The following XKR4 variants were observed in gnomAD, a reference collection of about 807,000 sequenced individuals.
The protein encoded by XKR4 is XK-related protein 4.
A neutral mutation model predicts 53.9 loss-of-function variants in XKR4; 12 were observed. The observed-to-expected ratio is 0.22, with a 90% CI of 0.14 to 0.36. XKR4 has a LOEUF of 0.36. XKR4 is among the 10% of genes least tolerant of loss of function. The pLI is 1.00. For missense variants in XKR4, 799 were observed against 859.5 expected, an observed-to-expected ratio of 0.93 and a Z score of 0.88; for synonymous variants, 354 against 362.4, an observed-to-expected ratio of 0.98 and a Z score of 0.26.
intron 2 of XKR4, among the ~76,000 whole-genome samples, chr8:55,459,119 C>T (rs1732617362): frequency 6.6e-6 from 1 of 152,120 alleles, no homozygotes; most frequent in Non-Finnish European, 1.5e-5. Flanking sequence ...CAGAAATAAA[C>T]TCTTACCTTT....
chr8:55,311,150 C>A (rs1220025815), intron 1 of XKR4, among the ~76,000 whole-genome samples: 1 of 152,210 alleles, frequency 6.6e-6, no homozygotes, highest in Non-Finnish European at 1.5e-5. Context: ...CCACAGGGAG[C>A]TCATGTGCCT....
chr8:55,537,480 A>C lies in XKR4; in HGVS notation c.*13253A>C, dbSNP rs1393413148. On this transcript the variant is annotated 3_prime_UTR_variant, in exon 3 of 3. Transcript: ENST00000327381. ...AAGCTATTCAGACCAGTTTTCTTTA[A>C]GAGCACTTATGTTGCAGAACATGAT... 6.6e-6 allele frequency: 1 copy of C among 152,254 alleles called. No homozygotes were observed. The highest frequency in any genetic ancestry group is 1.5e-5 in the Non-Finnish European group (1 of 68,052). The allele number at this position is 152,254 out of a possible 1,614,324, so 9.4% of individuals were successfully genotyped here. A position where few individuals can be genotyped will look rare whatever the true frequency, so the allele number is the denominator to read the frequency against.
Position 55,527,501 on chromosome 8 carries a change from A to G in XKR4, c.*3274A>G, listed in dbSNP as rs1806895188. On this transcript the variant is annotated 3_prime_UTR_variant, in exon 3 of 3. Coordinates refer to ENST00000327381, the MANE Select transcript of XKR4 (RefSeq NM_052898.2). ...ATGAAACCATGTTTAATGAATATAT[A>G]TAATGTGTGTGTGTGTATCTTAACC... The G allele has an allele frequency of 6.6e-6, 1 of 152,328 alleles. No homozygotes were observed. The highest frequency in any genetic ancestry group is 1.5e-5 in the Non-Finnish European group (1 of 68,014). 9.4% of individuals were successfully genotyped at this position (152,328 alleles called of 1,614,324 possible). A position where few individuals can be genotyped will look rare whatever the true frequency, so the allele number is the denominator to read the frequency against.
chr8:55,272,550 T>C (rs1775302162), intron 1 of XKR4, among the ~76,000 whole-genome samples: 1 of 152,198 alleles, frequency 6.6e-6, no homozygotes, highest in Admixed American at 6.6e-5. Context: ...CAGCACTTCA[T>C]ACCATATTTC....
intron 1 of XKR4, among the ~76,000 whole-genome samples, chr8:55,184,122 T>TA (rs943701313): frequency 1.2e-4 from 18 of 151,948 alleles, no homozygotes; most frequent in African/African-American, 3.6e-4. Flanking sequence ...AGCAATATAT[T>TA]AAAAAAAAAT....
intron 2 of XKR4, among the ~76,000 whole-genome samples, chr8:55,358,816 C>T (rs1803856998): frequency 6.6e-6 from 1 of 152,358 alleles, no homozygotes; most frequent in Non-Finnish European, 1.5e-5. Context: ...CTCCCTTGTG[C>T]TGGGTCATGC....
intron 1 of XKR4, among the ~76,000 whole-genome samples, chr8:55,134,733 T>TA (rs1175779045): frequency 6.6e-6 from 1 of 152,234 alleles, no homozygotes; most frequent in Non-Finnish European, 1.5e-5. Flanking sequence ...CCTGCCTTGG[T>TA]GGGCTCTTGC....
At chr8:55,109,249 C>A (rs895373289) in intron 1 of XKR4, among the ~76,000 whole-genome samples, 8 of 152,260 alleles carry the variant, frequency 5.3e-5, no homozygotes, top group Non-Finnish European at 1.5e-5. Context: ...GACTAACTCT[C>A]ATACAGAGGG....
rs1343916222 is a variant in XKR4, at chr8:55,539,126, A to T, written c.*14899A>T. The T allele has an allele frequency of 6.6e-6, 1 of 152,248 alleles. No homozygotes were observed. The highest frequency in any genetic ancestry group is 1.5e-5 in the Non-Finnish European group (1 of 68,032). 9.4% of individuals were successfully genotyped at this position (152,248 alleles called of 1,614,324 possible). A position where few individuals can be genotyped will look rare whatever the true frequency, so the allele number is the denominator to read the frequency against. ...TCTTGTACTTAAAAATTTAATCCTGATAAGAACTAATGTGAAATAACATCA... is the reference window on the plus strand; with the variant it reads ...TCTTGTACTTAAAAATTTAATCCTGTTAAGAACTAATGTGAAATAACATCA... On this transcript the variant is annotated 3_prime_UTR_variant, in exon 3 of 3. Coordinates refer to ENST00000327381, the MANE Select transcript of XKR4 (RefSeq NM_052898.2).
At chr8:55,351,785 A>G (rs1032415105) in intron 1 of XKR4, among the ~76,000 whole-genome samples, 1 of 152,162 alleles carries the variant, frequency 6.6e-6, no homozygotes, top group African/African-American at 2.4e-5. Flanking sequence ...CAATGCCCCT[A>G]CTTTTCTCCT....
At chr8:55,499,663 G>A (rs1806406776) in intron 2 of XKR4, among the ~76,000 whole-genome samples, 1 of 152,208 alleles carries the variant, frequency 6.6e-6, no homozygotes, top group South Asian at 2.1e-4. Flanking sequence ...CAAAGATGAT[G>A]AAAAGAATTC....
rs1217586515 is a variant in XKR4 at position 55,451,420 on chromosome 8, C to T, written c.1007-71861C>T. 3.7e-5 allele frequency: 42 copies of T among 1,129,744 alleles called. No individual in the cohort carries two copies. The East Asian group carries it at 9.4e-4, about 25-fold the overall frequency. 70.0% of individuals were successfully genotyped at this position (1,129,744 alleles called of 1,614,324 possible). A position where few individuals can be genotyped will look rare whatever the true frequency, so the allele number is the denominator to read the frequency against. Reference sequence around the variant, plus strand: ...GTTGCGTCCGGACGCACTGGAGTAGCGGGGCATGGAGCTGACAACAGCCTG... The same window carrying T: ...GTTGCGTCCGGACGCACTGGAGTAGTGGGGCATGGAGCTGACAACAGCCTG... On this transcript the variant is annotated intron_variant, in intron 2 of 2. Transcript: ENST00000327381.
intron 2 of XKR4, among the ~76,000 whole-genome samples, chr8:55,419,796 A>G (rs1443970853): frequency 6.6e-6 from 1 of 152,192 alleles, no homozygotes; most frequent in South Asian, 2.1e-4. Flanking sequence ...CTTGGTTGTC[A>G]TTGCTTACTC....
chr8:55,459,155 G>A (rs569347993), intron 2 of XKR4, among the ~76,000 whole-genome samples: 3 of 152,110 alleles, frequency 2.0e-5, no homozygotes, highest in East Asian at 3.9e-4. Context: ...TTAACAAAGA[G>A]GCCAAGACAA....
chr8:55,152,505 TAAA>T (rs1816852297), intron 1 of XKR4, among the ~76,000 whole-genome samples: 1 of 152,210 alleles, frequency 6.6e-6, no homozygotes, highest in Non-Finnish European at 1.5e-5. Context: ...CAAAGAATGA[TAAA>T]TGAATGGTCA....
intron 1 of XKR4, among the ~76,000 whole-genome samples, chr8:55,299,087 C>A (rs1393220633): frequency 6.6e-6 from 1 of 152,188 alleles, no homozygotes; most frequent in Non-Finnish European, 1.5e-5. Flanking sequence ...TGTTGCATTT[C>A]ATCTTCATGT....
At chr8:55,161,128 C>A (rs1816978399) in intron 1 of XKR4, among the ~76,000 whole-genome samples, 1 of 152,186 alleles carries the variant, frequency 6.6e-6, no homozygotes, top group Non-Finnish European at 1.5e-5. Flanking sequence ...ACAGGAAGTG[C>A]TTCCCATGGT....
chr8:55,266,629 T>A (rs1177440988), intron 1 of XKR4, among the ~76,000 whole-genome samples: 1 of 152,146 alleles, frequency 6.6e-6, no homozygotes, highest in Non-Finnish European at 1.5e-5. Flanking sequence ...AAAAGCAACC[T>A]GTTCAAGTAT....
intron 1 of XKR4, among the ~76,000 whole-genome samples, chr8:55,231,200 A>T (rs1157677694): frequency 3.3e-5 from 5 of 152,222 alleles, no homozygotes; most frequent in Non-Finnish European, 7.3e-5. Context: ...AAATTAAAAT[A>T]TTGAGGCTTA....
Sources: allele counts gnomAD v4.1 joint callset (sites outside exome capture counted in the v4.1 genomes callset), GRCh38; gene constraint gnomAD v4.1.1; transcripts MANE v1.5; gene names NCBI Gene and HGNC (gene_info 2026-07-23, HGNC 2026-07-21).